Variants in ASNS observed in about 807,000 individuals in gnomAD.
ASNS encodes the protein asparagine synthetase [glutamine-hydrolyzing].
ASNS carries 37 observed loss-of-function variants against 62.6 expected under a neutral mutation model. The ratio of observed to expected loss-of-function variants is 0.59; its 90% CI spans 0.45 to 0.78. The LOEUF (loss-of-function observed/expected upper bound fraction) is 0.78. ASNS is among the 30% of genes least tolerant of loss of function. ASNS has a pLI of 0.00. For synonymous variants in ASNS, 207 were observed against 237.9 expected (o/e 0.87, Z 1.19); for missense variants, 520 against 682.4 (o/e 0.76, Z 2.65).
chr7:97,923,697 TC>T, the ASNS span, among the ~76,000 whole-genome samples: 2 of 152,086 alleles, frequency 1.3e-5, no homozygotes, highest in Non-Finnish European at 2.9e-5. Context: ...GCCCCCTGGG[TC>T]CCAAGCAACC....
chr7:97,851,797 A>G lies in ASNS; in HGVS notation c.*462T>C, dbSNP rs1436394172. On this transcript the variant is annotated 3_prime_UTR_variant, in exon 13 of 13. Transcript: ENST00000394308. ...AACATAAAAGAGAAAAAAATGAACT[A>G]CTATCTTGCAAAATAGAGCTGTGAT... 1.3e-5 allele frequency: 2 copies of G among 154,852 alleles called. No individual in the cohort carries two copies. The highest frequency in any genetic ancestry group is 3.8e-4 in the East Asian group (2 of 5,310). The allele number at this position is 154,852 out of a possible 1,614,324, so 9.6% of individuals were successfully genotyped here. A position where few individuals can be genotyped will look rare whatever the true frequency, so the allele number is the denominator to read the frequency against.
chr7:97,916,388 G>T, the ASNS span, among the ~76,000 whole-genome samples: 1 of 152,110 alleles, frequency 6.6e-6, no homozygotes, highest in East Asian at 1.9e-4. Context: ...TCTCAAAAAA[G>T]AAAGAAAGAA....
At chr7:97,927,308 A>T in the ASNS span, among the ~76,000 whole-genome samples, 3 of 152,110 alleles carry the variant, frequency 2.0e-5, no homozygotes, top group Admixed American at 6.5e-5. Context: ...AGTCCCATTT[A>T]TCCACCATAC....
the ASNS span, among the ~76,000 whole-genome samples, chr7:97,919,179 A>T: frequency 5.3e-5 from 8 of 152,190 alleles, no homozygotes; most frequent in South Asian, 1.7e-3. Flanking sequence ...CCTCACTGCA[A>T]CCTGCTCCTC....
chr7:97,882,109 C>T, the ASNS span, among the ~76,000 whole-genome samples: 12 of 152,216 alleles, frequency 7.9e-5, no homozygotes, highest in South Asian at 2.5e-3. Context: ...ACCTCAGCCT[C>T]CCAAAGTACT....
At chr7:97,899,951 C>A in the ASNS span, among the ~76,000 whole-genome samples, 1 of 152,168 alleles carries the variant, frequency 6.6e-6, no homozygotes, top group Admixed American at 6.5e-5. Context: ...GGAAGACATA[C>A]AAGTGGCCAA....
At chr7:97,881,757 G>A in the ASNS span, among the ~76,000 whole-genome samples, 2 of 152,206 alleles carry the variant, frequency 1.3e-5, no homozygotes, top group Admixed American at 1.3e-4. Context: ...ACGATTGGGT[G>A]CAGATGAAAT....
At chr7:97,881,789 G>GA in the ASNS span, among the ~76,000 whole-genome samples, 1 of 152,156 alleles carries the variant, frequency 6.6e-6, no homozygotes, top group Non-Finnish European at 1.5e-5. Flanking sequence ...GGGCAGGAGG[G>GA]ACGTCTCATT....
the ASNS span, among the ~76,000 whole-genome samples, chr7:97,895,094 C>T: frequency 8.1e-3 from 1,227 of 152,346 alleles, 8 homozygotes; most frequent in South Asian, 0.029. Context: ...TGTGATACAT[C>T]ACATCAACAA....
the ASNS span, among the ~76,000 whole-genome samples, chr7:97,903,264 A>T: frequency 8.1e-5 from 12 of 148,740 alleles, no homozygotes; most frequent in Non-Finnish European, 1.5e-4. Flanking sequence ...TTTTTTAATC[A>T]GCCTGGTGCC....
At chr7:97,922,950 C>T in the ASNS span, among the ~76,000 whole-genome samples, 4 of 151,914 alleles carry the variant, frequency 2.6e-5, no homozygotes, top group African/African-American at 9.7e-5. Flanking sequence ...TGCCATCACA[C>T]CTGGCTAATT....
At chr7:97,920,279 C>T in the ASNS span, among the ~76,000 whole-genome samples, 2 of 152,182 alleles carry the variant, frequency 1.3e-5, no homozygotes, top group South Asian at 2.1e-4. Context: ...GCTGGGATTA[C>T]AGGTGTGAGC....
chr7:97,856,882 G>C (rs41278827), intron 7 of ASNS, 66 bp from the exon 8 acceptor site: 208 of 1,452,348 alleles, frequency 1.4e-4, no homozygotes, highest in Non-Finnish European at 1.8e-4. Flanking sequence ...AATCAAACAT[G>C]ATGGGAGTTC....
chr7:97,894,873 A>C, the ASNS span, among the ~76,000 whole-genome samples: 1 of 152,240 alleles, frequency 6.6e-6, no homozygotes, highest in Non-Finnish European at 1.5e-5. Context: ...TCATTGTATA[A>C]GGCCAGCATT....
chr7:97,889,925 T>TACAAAAAAAAAAAAAAAAAAAAA, the ASNS span, among the ~76,000 whole-genome samples: 1 of 7,302 alleles, frequency 1.4e-4, no homozygotes, highest in Non-Finnish European at 2.7e-4. Context: ...AGATAATGAA[T>TACAAAAAAAAAAAAAAAAAAAAA]ACAAAAAAAA....
At chr7:97,915,282 T>C in the ASNS span, among the ~76,000 whole-genome samples, 2 of 152,190 alleles carry the variant, frequency 1.3e-5, no homozygotes, top group Non-Finnish European at 2.9e-5. Context: ...AGAAGAACCA[T>C]ACTGAAGTGG....
the ASNS span, among the ~76,000 whole-genome samples, chr7:97,881,921 G>T: frequency 1.3e-5 from 2 of 151,988 alleles, no homozygotes; most frequent in Admixed American, 1.3e-4. Context: ...ATGGGGTTTG[G>T]ACACAGGACA....
Position 97,855,456 on chromosome 7 carries a change from A to G in ASNS, c.1034T>C (p.Met345Thr). 1.2e-6 allele frequency: 2 copies of G among 1,602,482 alleles called. No homozygotes were observed. Among genetic ancestry groups the G allele is most frequent in the African/African-American group, 1.3e-5 (1 of 74,854 alleles). The change falls in exon 9 of 13, where the codon ATG (methionine) becomes ACG (threonine). Residue 345 changes from methionine to threonine, a missense_variant. Met to Thr is a moderately conservative substitution (Grantham distance 81, BLOSUM62 -1). Coordinates refer to ENST00000394308, the MANE Select transcript of ASNS (RefSeq NM_001673.5). ...DITTVRASVG[M>T]YLISKYIRKN... Reference sequence around the variant, plus strand: ...CCGAATATACTTGGAAATTAAATACATACCTTAAATGAGAGAGAGAAATTA... The same window carrying G: ...CCGAATATACTTGGAAATTAAATACGTACCTTAAATGAGAGAGAGAAATTA...
At chr7:97,924,217 C>T in the ASNS span, among the ~76,000 whole-genome samples, 2 of 152,152 alleles carry the variant, frequency 1.3e-5, no homozygotes, top group Non-Finnish European at 2.9e-5. Context: ...CCCTCTCTGT[C>T]GTAGCTAACA....
Sources: allele counts gnomAD v4.1 joint callset (sites outside exome capture counted in the v4.1 genomes callset), GRCh38; gene constraint gnomAD v4.1.1; transcripts MANE v1.5; gene names NCBI Gene and HGNC (gene_info 2026-07-23, HGNC 2026-07-21).